CFAP97D2: variants seen among roughly 807,000 people sequenced by gnomAD.
The protein encoded by CFAP97D2 is uncharacterized protein CFAP97D2.
chr13:114,214,530 G>A (rs1331931211), intron 4 of CFAP97D2, among the ~76,000 whole-genome samples: 4 of 152,174 alleles, frequency 2.6e-5, no homozygotes, highest in Non-Finnish European at 5.9e-5. Context: ...ATCACTGTTA[G>A]CAACTTGCAT....
chr13:114,190,823 A>C (rs966821858), intron 1 of CFAP97D2, among the ~76,000 whole-genome samples: 3 of 152,246 alleles, frequency 2.0e-5, no homozygotes, highest in Non-Finnish European at 4.4e-5. Context: ...AAGCCAATTT[A>C]ATATTGAAGG....
chr13:114,200,466 C>T (rs1418241255), intron 3 of CFAP97D2, 23 bp downstream of exon 3: 2 of 398,436 alleles, frequency 5.0e-6, no homozygotes, highest in Non-Finnish European at 8.8e-6. Flanking sequence ...CTCCTGCCAT[C>T]CCACCCGGCT....
intron 3 of CFAP97D2, among the ~76,000 whole-genome samples, chr13:114,202,166 C>T (rs188377270): frequency 1.9e-4 from 29 of 152,324 alleles, no homozygotes; most frequent in Middle Eastern, 3.4e-3. Flanking sequence ...TTCCATCGTA[C>T]GGATCTATCA....
At chr13:114,212,694 T>C (rs907295181) in intron 4 of CFAP97D2, among the ~76,000 whole-genome samples, 16 of 151,648 alleles carry the variant, frequency 1.1e-4, no homozygotes, top group African/African-American at 3.9e-4. Flanking sequence ...CTAAAAAAAA[T>C]ACAAAAAATT....
rs578240377 is a variant in CFAP97D2 at position 114,187,527 on chromosome 13, C to T, written c.90+8107C>T. Among the ~76,000 whole-genome samples the T allele has an allele frequency of 5.9e-4, 89 of 152,084 alleles. No homozygotes were observed. The highest frequency in any genetic ancestry group is 3.4e-3 in the Middle Eastern group (1 of 292). On this transcript the variant is annotated intron_variant, in intron 1 of 4. Transcript: ENST00000646158. The surrounding 1 kb of genome is among the most constrained non-coding windows in gnomAD (Gnocchi z 4.2). ...TCAAAACAAGGAAAGTTAAAGGGAA[C>T]GATAAAATGGGGTCGATTCTCCAAA...
At chr13:114,182,341 T>C (rs576432650) in intron 1 of CFAP97D2, among the ~76,000 whole-genome samples, 2 of 152,134 alleles carry the variant, frequency 1.3e-5, no homozygotes, top group Non-Finnish European at 2.9e-5. Context: ...GGGCTGTTTT[T>C]CTCCTATCTC....
At chr13:114,182,094 A>G (rs76552140) in intron 1 of CFAP97D2, among the ~76,000 whole-genome samples, 2 of 150,694 alleles carry the variant, frequency 1.3e-5, no homozygotes, top group Non-Finnish European at 3.0e-5. Flanking sequence ...GTTTTTATTG[A>G]TTATTATTTT....
chr13:114,200,548 C>T (rs2080913081), intron 3 of CFAP97D2, 105 bp downstream of exon 3: 1 of 394,312 alleles, frequency 2.5e-6, no homozygotes, highest in Non-Finnish European at 4.5e-6. Flanking sequence ...GGAGTCGAGG[C>T]GTTTCTGTCC....
intron 4 of CFAP97D2, among the ~76,000 whole-genome samples, chr13:114,221,075 C>T (rs892392472): frequency 6.6e-6 from 1 of 152,172 alleles, no homozygotes; most frequent in Non-Finnish European, 1.5e-5. Context: ...GGTGAAACCC[C>T]GTCTCTACTA....
chr13:114,181,989 A>G (rs1283760233), intron 1 of CFAP97D2, among the ~76,000 whole-genome samples: 1 of 152,142 alleles, frequency 6.6e-6, no homozygotes, highest in Non-Finnish European at 1.5e-5. Context: ...GAAATAAGAC[A>G]CAGAGACAAA....
chr13:114,208,027 G>T (rs1338849395), intron 3 of CFAP97D2, among the ~76,000 whole-genome samples: 2 of 152,124 alleles, frequency 1.3e-5, no homozygotes, highest in African/African-American at 2.4e-5. Context: ...TAAGATCTGT[G>T]AGCCAGGCTC....
chr13:114,207,021 G>A lies in CFAP97D2; in HGVS notation c.291-4891G>A, dbSNP rs35237182. 0.065 allele frequency among the ~76,000 whole-genome samples: 9,952 copies of A among 152,296 alleles called. 556 individuals carry two copies. Among genetic ancestry groups the A allele is most frequent in the African/African-American group, 0.13 (5,387 of 41,552 alleles). On this transcript the variant is annotated intron_variant, in intron 3 of 4. Transcript: ENST00000646158. This position sits in a 1 kb window ranked among gnomAD's most constrained non-coding sequence, Gnocchi z 4.9. The stretch of plus-strand genomic sequence containing the variant: ...CAAAAAGGGACCCCTCCCAGACCCA[G>A]TGCAATTCCTGAGGGGATAAAAGAA...
At position 114,203,841 on chromosome 13, in the gene CFAP97D2, G is replaced by A. The variant is rs932389027; in HGVS notation, c.290+3398G>A. ...CTGGTGTAAACACTTGTCAGATGGG[G>A]CAGAGATTCTGGGCATTTGGCTGTC... On this transcript the variant is annotated intron_variant, in intron 3 of 4. Coordinates refer to ENST00000646158, the Ensembl canonical transcript of CFAP97D2. The surrounding 1 kb of genome is among the most constrained non-coding windows in gnomAD (Gnocchi z 4.3). 6.6e-6 allele frequency among the ~76,000 whole-genome samples: 1 copy of A among 152,180 alleles called. No individual in the cohort carries two copies. The highest frequency in any genetic ancestry group is 1.5e-5 in the Non-Finnish European group (1 of 68,034).
At chr13:114,208,962 G>T (rs1287169040) in intron 3 of CFAP97D2, among the ~76,000 whole-genome samples, 3 of 152,146 alleles carry the variant, frequency 2.0e-5, no homozygotes, top group Non-Finnish European at 4.4e-5. Flanking sequence ...ATCCCTCAGA[G>T]AATTAAATAG....
chr13:114,202,168 G>A (rs913924461), intron 3 of CFAP97D2, among the ~76,000 whole-genome samples: 3 of 152,180 alleles, frequency 2.0e-5, no homozygotes, highest in African/African-American at 7.2e-5. Flanking sequence ...CCATCGTACG[G>A]ATCTATCACA....
chr13:114,205,104 A>C (rs1192552559), intron 3 of CFAP97D2, among the ~76,000 whole-genome samples: 1 of 152,230 alleles, frequency 6.6e-6, no homozygotes, highest in East Asian at 1.9e-4. Context: ...AGGAAATGCA[A>C]ATCGAAACCA....
At chr13:114,198,430 A>G (rs911479000) in intron 2 of CFAP97D2, among the ~76,000 whole-genome samples, 1 of 152,364 alleles carries the variant, frequency 6.6e-6, no homozygotes, top group East Asian at 1.9e-4. Flanking sequence ...TCTGGGCTCA[A>G]ATATTCTCTT....
chr13:114,193,607 G>A (rs901763508), intron 1 of CFAP97D2, among the ~76,000 whole-genome samples: 7 of 152,302 alleles, frequency 4.6e-5, no homozygotes, highest in African/African-American at 1.7e-4. Flanking sequence ...TAGGAAGGCA[G>A]GCCTCACCTT....
chr13:114,221,247 A>C (rs185752767), intron 4 of CFAP97D2, among the ~76,000 whole-genome samples: 1 of 152,310 alleles, frequency 6.6e-6, no homozygotes, highest in African/African-American at 2.4e-5. Flanking sequence ...ACTACGTCTC[A>C]AAAAAACAAA....
Sources: gnomAD v4.1 joint callset for allele counts (sites outside exome capture counted in the v4.1 genomes callset) on GRCh38, gnomAD v4.1.1 for gene constraint, Gnocchi (gnomAD v3.1) non-coding constraint, MANE v1.5 for transcripts, NCBI Gene and HGNC (gene_info 2026-07-23, HGNC 2026-07-21) for gene names.